SVOP: variants seen among roughly 807,000 people sequenced by gnomAD.
SVOP encodes the protein SV2 related protein.
In SVOP, 17 loss-of-function variants were observed where a neutral mutation model predicts 69.1. The observed-to-expected ratio is 0.25, with a 90% confidence interval of 0.17 to 0.37. The LOEUF (loss-of-function observed/expected upper bound fraction) is 0.37, where lower values mean the gene tolerates loss of function less well. SVOP is among the 10% of genes least tolerant of loss of function. The pLI, the probability that SVOP is intolerant of heterozygous loss-of-function variation, is 1.00. For synonymous variants in SVOP, 238 were observed against 238.6 expected, an observed-to-expected ratio of 1.00 and a Z score of 0.02; for missense variants, 435 against 597.5, an observed-to-expected ratio of 0.73 and a Z score of 2.84.
chr12:108,999,868 C>G (rs1566066416), intron 1 of SVOP, among the ~76,000 whole-genome samples: 1 of 151,758 alleles, frequency 6.6e-6, no homozygotes. Context: ...CAGGAAAGAT[C>G]CAACATTGAC....
intron 7 of SVOP, among the ~76,000 whole-genome samples, chr12:108,941,956 C>T (rs533777955): frequency 6.2e-4 from 95 of 152,284 alleles, no homozygotes; most frequent in South Asian, 5.0e-3. Context: ...TGAGCCACCA[C>T]GCCCGGCAAG....
At chr12:108,966,600 T>C (rs986245282) in intron 5 of SVOP, among the ~76,000 whole-genome samples, 1 of 152,076 alleles carries the variant, frequency 6.6e-6, no homozygotes, top group Admixed American at 6.5e-5. Flanking sequence ...TAGAGTCTGA[T>C]CTGTCCTTCC....
intron 11 of SVOP, among the ~76,000 whole-genome samples, chr12:108,928,431 C>A (rs1001964799): frequency 1.3e-5 from 2 of 152,232 alleles, no homozygotes; most frequent in Non-Finnish European, 2.9e-5. Flanking sequence ...GACATGCCAA[C>A]CCTCAAATAT....
chr12:108,982,716 TCATCATCATCATCACTATCATCATCAC>T, intron 2 of SVOP, among the ~76,000 whole-genome samples: 1 of 146,332 alleles, frequency 6.8e-6, no homozygotes. Flanking sequence ...ACTGTCACCA[TCATCATCATCATCACTATCATCATCAC>T]CATCATCATC....
chr12:108,938,497 C>T (rs1475981723), intron 9 of SVOP, among the ~76,000 whole-genome samples: 1 of 152,246 alleles, frequency 6.6e-6, no homozygotes, highest in African/African-American at 2.4e-5. Flanking sequence ...GTCTCATTCG[C>T]TAGTCAGACT....
intron 1 of SVOP, among the ~76,000 whole-genome samples, chr12:108,993,008 A>G (rs1029622552): frequency 6.6e-6 from 1 of 152,176 alleles, no homozygotes; most frequent in African/African-American, 2.4e-5. Context: ...GGACTTCAAG[A>G]CCAGCTTGGG....
rs75715998 is a variant in SVOP, at chr12:108,908,085, G to A, written c.*4450C>T. 25,581 of 152,284 alleles carry A rather than the reference G, an allele frequency of 0.17. 3,245 individuals are homozygous for A. The highest frequency in any genetic ancestry group is 0.47 in the East Asian group (2,439 of 5,170). The allele number at this position is 152,284 out of a possible 1,614,324, so 9.4% of individuals were successfully genotyped here. ...CCTGAAGATCTGGGAGTGGGGCACT[G>A]AGCAGCTGAGTCAGGTATGTTTGCA... On this transcript the variant is annotated 3_prime_UTR_variant, in exon 16 of 16. Transcript: ENST00000610966.
chr12:109,014,363 G>A (rs1390682664), intron 1 of SVOP, among the ~76,000 whole-genome samples: 1 of 152,096 alleles, frequency 6.6e-6, no homozygotes. Context: ...AATGTGGATA[G>A]ACCACATTTT....
intron 7 of SVOP, among the ~76,000 whole-genome samples, 175 bp from the exon 8 acceptor site, chr12:108,941,084 G>C (rs2039888666): frequency 6.6e-6 from 1 of 152,168 alleles, no homozygotes; most frequent in African/African-American, 2.4e-5. Flanking sequence ...CTGCCATGTT[G>C]CCCAGCTCAC....
chr12:109,014,245 C>T (rs2040357198), intron 1 of SVOP, among the ~76,000 whole-genome samples: 2 of 152,070 alleles, frequency 1.3e-5, no homozygotes, highest in Admixed American at 6.6e-5. Flanking sequence ...TGAACTCCTG[C>T]CTTGGCCTTC....
intron 6 of SVOP, among the ~76,000 whole-genome samples, chr12:108,947,802 A>G (rs1441959863): frequency 6.6e-6 from 1 of 152,110 alleles, no homozygotes; most frequent in Non-Finnish European, 1.5e-5. Context: ...CATCTGAGCT[A>G]CTAAATGGCC....
Position 108,960,373 on chromosome 12 carries a change from C to A in SVOP, c.578+550G>T, listed in dbSNP as rs151278105. On this transcript the variant is annotated intron_variant, in intron 6 of 15. Coordinates refer to ENST00000610966, the MANE Select transcript of SVOP (RefSeq NM_018711.5). The stretch of plus-strand genomic sequence containing the variant: ...TCGATGCCCCAGGAGACAGTGGCTT[C>A]TTCCTACAGCTCTGAATATTCTCAG... 6.6e-3 allele frequency among the ~76,000 whole-genome samples: 1,008 copies of A among 152,320 alleles called. 5 individuals carry two copies. Among genetic ancestry groups the A allele is most frequent in the African/African-American group, 0.023 (948 of 41,570 alleles).
chr12:108,971,913 G>A (rs541853210), intron 5 of SVOP, among the ~76,000 whole-genome samples: 1 of 152,170 alleles, frequency 6.6e-6, no homozygotes, highest in South Asian at 2.1e-4. Context: ...AATGAGCTGG[G>A]TGTATTGGCG....
intron 1 of SVOP, among the ~76,000 whole-genome samples, chr12:109,002,969 A>T (rs922808913): frequency 9.4e-5 from 13 of 138,694 alleles, no homozygotes; most frequent in Admixed American, 3.1e-4. Flanking sequence ...AAAAAAAATT[A>T]AAAAATTAAA....
At position 108,968,937 on chromosome 12, in the gene SVOP, G is replaced by A. The variant is rs144956591; in HGVS notation, c.453+3468C>T. Among the ~76,000 whole-genome samples the A allele has an allele frequency of 2.6e-4, 40 of 152,248 alleles. No homozygotes were observed. In the East Asian group the frequency reaches 7.3e-3, roughly 28 times the overall value. ...GCCTCCTGAGTACCTGGCACTACAG[G>A]TGCATGCCACTGGGCCTGGCTAAGT... On this transcript the variant is annotated intron_variant, in intron 5 of 15. Coordinates refer to ENST00000610966, the MANE Select transcript of SVOP (RefSeq NM_018711.5).
intron 11 of SVOP, among the ~76,000 whole-genome samples, chr12:108,924,230 T>C (rs1208728098): frequency 6.6e-6 from 1 of 152,164 alleles, no homozygotes; most frequent in African/African-American, 2.4e-5. Context: ...GATTTTAGAC[T>C]TCCCAGCCCC....
In SVOP at chr12:108,911,727, AG is replaced by A. The variant is rs1160408015; in HGVS notation, c.*807del. 2 of 152,312 alleles carry A rather than the reference AG, an allele frequency of 1.3e-5. No individual in the cohort carries two copies. The highest frequency in any genetic ancestry group is 3.1e-3 in the Middle Eastern group (1 of 318). The allele number at this position is 152,312 out of a possible 1,614,324, so 9.4% of individuals were successfully genotyped here. A position where few individuals can be genotyped will look rare whatever the true frequency, so the allele number is the denominator to read the frequency against. Reference sequence around the variant, plus strand: ...AAGTCACCATTCAGCCTGACCAAGGAGGGGGCCAGGAAAGAAGTCGGAACCG... The same window carrying A: ...AAGTCACCATTCAGCCTGACCAAGGAGGGGCCAGGAAAGAAGTCGGAACCG... On this transcript the variant is annotated 3_prime_UTR_variant, in exon 16 of 16. Transcript: ENST00000610966.
intron 7 of SVOP, among the ~76,000 whole-genome samples, chr12:108,943,782 T>C (rs997345054): frequency 6.6e-6 from 1 of 151,672 alleles, no homozygotes; most frequent in Admixed American, 6.6e-5. Flanking sequence ...CTTTTCTTCT[T>C]CTCCTTCTTC....
At chr12:108,977,629 A>G in intron 3 of SVOP, 133 bp from the exon 4 acceptor site, 1 of 576,790 alleles carries the variant, frequency 1.7e-6, no homozygotes, top group Non-Finnish European at 3.2e-6. Flanking sequence ...CCTGCTGCAC[A>G]TCAAACCACA....
Sources: allele counts gnomAD v4.1 joint callset (sites outside exome capture counted in the v4.1 genomes callset), GRCh38; gene constraint gnomAD v4.1.1; transcripts MANE v1.5; gene names NCBI Gene and HGNC (gene_info 2026-07-23, HGNC 2026-07-21).